Variants in NOTCH2NLA observed in about 807,000 individuals in gnomAD.
NOTCH2NLA encodes the protein notch homolog 2 N-terminal-like protein A.
chr1:146,200,438 A>T lies in NOTCH2NLA; in HGVS notation c.-44-11057T>A, dbSNP rs868934039. On this transcript the variant is annotated intron_variant, in intron 1 of 4. Transcript: ENST00000362074. ...ACTCTGCCTGAGAAAAAAAAAAAAA[A>T]ATATATATATATATATATATTCCTG... 6.0e-3 allele frequency among the ~76,000 whole-genome samples: 120 copies of T among 19,840 alleles called. 20 individuals carry two copies. In the South Asian group the frequency reaches 0.086, roughly 14 times the overall value. 13.0% of individuals were successfully genotyped at this position (19,840 alleles called of 152,430 possible). A position where few individuals can be genotyped will look rare whatever the true frequency, so the allele number is the denominator to read the frequency against.
rs587714598 is a variant in NOTCH2NLA at position 146,172,839 on chromosome 1, G to A, written c.39-7829C>T. On this transcript the variant is annotated intron_variant, in intron 2 of 4. Coordinates refer to ENST00000362074, the Ensembl canonical transcript of NOTCH2NLA. Reference sequence around the variant, plus strand: ...GGGGAAGACCCTGTCTTGAACCCTTGGTGTAGGTTCCCTGAATACCTGAGT... The same window carrying A: ...GGGGAAGACCCTGTCTTGAACCCTTAGTGTAGGTTCCCTGAATACCTGAGT... Among the ~76,000 whole-genome samples, 279 of 145,156 alleles carry A rather than the reference G, an allele frequency of 1.9e-3. 25 individuals are homozygous for A. Among genetic ancestry groups the A allele is most frequent in the South Asian group, 0.013 (61 of 4,714 alleles).
At chr1:146,228,942 C>A in exon 1 of NOTCH2NLA, 2 of 1,450,000 alleles carry the variant, frequency 1.4e-6, no homozygotes, top group African/African-American at 3.0e-5. Flanking sequence ...AATGCCTCGA[C>A]TCCCCGCGCC....
rs1422754981 is a variant in NOTCH2NLA, at chr1:146,183,573, T to G, written c.38+5727A>C. Reference sequence around the variant, plus strand: ...TGTTCAGCTAAATAGGCACCGTACTTGAAGGAACTAGGCTGGCAGAACCAG... The same window carrying G: ...TGTTCAGCTAAATAGGCACCGTACTGGAAGGAACTAGGCTGGCAGAACCAG... On this transcript the variant is annotated intron_variant, in intron 2 of 4. Coordinates refer to ENST00000362074, the Ensembl canonical transcript of NOTCH2NLA. Among the ~76,000 whole-genome samples the G allele has an allele frequency of 1.7e-5, 2 of 119,156 alleles. 1 individual carries two copies. The highest frequency in any genetic ancestry group is 7.1e-5 in the African/African-American group (2 of 28,318). The allele number at this position is 119,156 out of a possible 152,430, so 78.2% of individuals were successfully genotyped here.
rs1246564033 is a variant in NOTCH2NLA at position 146,174,797 on chromosome 1, G to A, written c.39-9787C>T. Among the ~76,000 whole-genome samples, 49 of 140,062 alleles carry A rather than the reference G, an allele frequency of 3.5e-4. 5 individuals carry two copies. The highest frequency in any genetic ancestry group is 6.1e-4 in the Non-Finnish European group (37 of 61,044). The allele number at this position is 140,062 out of a possible 152,430, so 91.9% of individuals were successfully genotyped here. The stretch of plus-strand genomic sequence containing the variant: ...GGGAGCTGTCGTTAAGGTAAATGAG[G>A]TAAGGGCAGGGGAAAAAACTAACAA... On this transcript the variant is annotated intron_variant, in intron 2 of 4. Transcript: ENST00000362074.
rs1255977691 is a variant in NOTCH2NLA, at chr1:146,219,598, A to C, written c.-45+9111T>G. On this transcript the variant is annotated intron_variant, in intron 1 of 4. Transcript: ENST00000362074. ...AGTAAAAGACACAATTTACAAAAGAAGTAGGAAAAAAGGCAATACAAACGC... is the reference window on the plus strand; with the variant it reads ...AGTAAAAGACACAATTTACAAAAGACGTAGGAAAAAAGGCAATACAAACGC... Among the ~76,000 whole-genome samples the C allele has an allele frequency of 1.9e-5, 2 of 105,726 alleles. 1 individual carries two copies. The highest frequency in any genetic ancestry group is 3.6e-5 in the Non-Finnish European group (2 of 54,958). The allele number at this position is 105,726 out of a possible 152,430, so 69.4% of individuals were successfully genotyped here. A position where few individuals can be genotyped will look rare whatever the true frequency, so the allele number is the denominator to read the frequency against.
At chr1:146,158,500 C>A (rs1196711933) in intron 3 of NOTCH2NLA, among the ~76,000 whole-genome samples, 1 of 150,134 alleles carries the variant, frequency 6.7e-6, no homozygotes, top group Admixed American at 6.6e-5. Context: ...TGAACTCATC[C>A]TTTTTTATGG....
intron 2 of NOTCH2NLA, among the ~76,000 whole-genome samples, chr1:146,186,245 C>T (rs1662754849): frequency 2.2e-5 from 3 of 136,018 alleles, no homozygotes; most frequent in African/African-American, 7.5e-5. Context: ...GTTTGTTTCC[C>T]TCAAAACAGG....
At chr1:146,183,564 C>T (rs1553809683) in intron 2 of NOTCH2NLA, among the ~76,000 whole-genome samples, 1 of 119,190 alleles carries the variant, frequency 8.4e-6, no homozygotes. Context: ...GCTAAATAGG[C>T]ACCGTACTTG....
At chr1:146,176,719 G>A (rs1249215617) in intron 2 of NOTCH2NLA, among the ~76,000 whole-genome samples, 1 of 89,228 alleles carries the variant, frequency 1.1e-5, no homozygotes, top group Non-Finnish European at 2.3e-5. Flanking sequence ...ACCTTCTCAT[G>A]GCTAAGCCCT....
In NOTCH2NLA at chr1:146,162,212, T is replaced by C. The variant is rs587758175; in HGVS notation, c.298+2539A>G. ...AGATTTATTGACTTCACATCAGCAT[T>C]TAAGTATCGTTAACTTTATGTAAGA... On this transcript the variant is annotated intron_variant, in intron 3 of 4. Transcript: ENST00000362074. Among the ~76,000 whole-genome samples the C allele has an allele frequency of 3.5e-5, 5 of 142,986 alleles. No individual in the cohort carries two copies. The East Asian group carries it at 1.1e-3, about 31-fold the overall frequency. The allele number at this position is 142,986 out of a possible 152,430, so 93.8% of individuals were successfully genotyped here. A position where few individuals can be genotyped will look rare whatever the true frequency, so the allele number is the denominator to read the frequency against.
intron 1 of NOTCH2NLA, among the ~76,000 whole-genome samples, chr1:146,204,140 CAAAAG>C (rs1663504281): frequency 1.0e-5 from 1 of 97,966 alleles, no homozygotes. Flanking sequence ...TGTCTCAGGC[CAAAAG>C]AAAACTAAAA....
chr1:146,158,098 G>T lies in NOTCH2NLA; in HGVS notation c.299-1283C>A, dbSNP rs1247108410. 2.0e-5 allele frequency among the ~76,000 whole-genome samples: 3 copies of T among 151,448 alleles called. No homozygotes were observed. In the South Asian group the frequency reaches 6.3e-4, roughly 32 times the overall value. ...AGTAAATTTGGTATTCACATGGCTG[G>T]CTTTTTGTTGTCATTAGTCTAAGTC... is the stretch of plus-strand genomic sequence containing the variant. On this transcript the variant is annotated intron_variant, in intron 3 of 4. Transcript: ENST00000362074.
At chr1:146,158,244 C>T (rs1345603020) in intron 3 of NOTCH2NLA, among the ~76,000 whole-genome samples, 1 of 148,600 alleles carries the variant, frequency 6.7e-6, no homozygotes, top group Admixed American at 6.7e-5. Context: ...TATATATGTG[C>T]CATGTTGGTG....
chr1:146,180,385 A>G lies in NOTCH2NLA; in HGVS notation c.38+8915T>C, dbSNP rs1341009025. Among the ~76,000 whole-genome samples the G allele has an allele frequency of 1.4e-5, 2 of 142,052 alleles. 1 individual carries two copies. Among genetic ancestry groups the G allele is most frequent in the Non-Finnish European group, 3.2e-5 (2 of 62,168 alleles). 93.2% of individuals were successfully genotyped at this position (142,052 alleles called of 152,430 possible). A position where few individuals can be genotyped will look rare whatever the true frequency, so the allele number is the denominator to read the frequency against. On this transcript the variant is annotated intron_variant, in intron 2 of 4. Coordinates refer to ENST00000362074, the Ensembl canonical transcript of NOTCH2NLA. ...GTCTTTATTTTCACTTTTCTTTCAT[A>G]AAACTCTTTTCATAAAGATCAAGTA...
chr1:146,159,837 A>G (rs1447570875), intron 3 of NOTCH2NLA, among the ~76,000 whole-genome samples: 1 of 40,360 alleles, frequency 2.5e-5, no homozygotes, highest in African/African-American at 6.6e-5. Flanking sequence ...GCATGGCGGT[A>G]GGTGCCTGTA....
intron 2 of NOTCH2NLA, among the ~76,000 whole-genome samples, chr1:146,185,065 G>T (rs587660648): frequency 5.7e-5 from 8 of 140,800 alleles, no homozygotes; most frequent in African/African-American, 2.0e-4. Context: ...TCATACCCAT[G>T]GTCCAAAGAA....
intron 3 of NOTCH2NLA, among the ~76,000 whole-genome samples, chr1:146,159,432 A>G (rs1571265867): frequency 6.6e-6 from 1 of 150,594 alleles, no homozygotes; most frequent in East Asian, 2.0e-4. Flanking sequence ...AGAAAGAAAG[A>G]AAGAAAGAAA....
chr1:146,200,442 T>A lies in NOTCH2NLA; in HGVS notation c.-44-11061A>T, dbSNP rs1553813682. 0.035 allele frequency among the ~76,000 whole-genome samples: 618 copies of A among 17,872 alleles called. 120 individuals are homozygous for A. In the East Asian group the frequency reaches 0.44, roughly 13 times the overall value. 11.7% of individuals were successfully genotyped at this position (17,872 alleles called of 152,430 possible). A position where few individuals can be genotyped will look rare whatever the true frequency, so the allele number is the denominator to read the frequency against. On this transcript the variant is annotated intron_variant, in intron 1 of 4. Transcript: ENST00000362074. The stretch of plus-strand genomic sequence containing the variant: ...TGCCTGAGAAAAAAAAAAAAAAATA[T>A]ATATATATATATATATTCCTGAACT...
intron 3 of NOTCH2NLA, among the ~76,000 whole-genome samples, chr1:146,158,153 C>T (rs1175354939): frequency 2.0e-5 from 3 of 151,958 alleles, no homozygotes; most frequent in Admixed American, 6.6e-5. Flanking sequence ...GAGATAAGAA[C>T]TCCTTGAATT....
Sources: gnomAD v4.1 joint callset for allele counts (sites outside exome capture counted in the v4.1 genomes callset) on GRCh38, gnomAD v4.1.1 for gene constraint, MANE v1.5 for transcripts, NCBI Gene and HGNC (gene_info 2026-07-23, HGNC 2026-07-21) for gene names.